The following MTUS1 variants were observed in gnomAD, a reference collection of about 807,000 sequenced individuals.
MTUS1 encodes the protein microtubule-associated tumor suppressor 1.
Under a neutral mutation model 120.8 loss-of-function variants are expected in MTUS1, and 109 were observed. The ratio of observed to expected loss-of-function variants is 0.90; its 90% CI spans 0.77 to 1.06. The LOEUF is 1.06. MTUS1 is among the 50% of genes least tolerant of loss of function. The probability of loss-of-function intolerance (pLI) is 0.00; values close to 1 mark genes in which losing one functional copy is unlikely to be tolerated. For synonymous variants in MTUS1, 737 were observed against 550.5 expected, an observed-to-expected ratio of 1.34 and a Z score of -4.74; for missense variants, 2,210 against 1,486.3, an observed-to-expected ratio of 1.49 and a Z score of -8.01.
chr8:17,728,003 C>A (rs1257516928), intron 3 of MTUS1, among the ~76,000 whole-genome samples: 1 of 152,068 alleles, frequency 6.6e-6, no homozygotes, highest in Non-Finnish European at 1.5e-5. Context: ...CTATATTTAA[C>A]AACAATAAAA....
intron 3 of MTUS1, among the ~76,000 whole-genome samples, chr8:17,740,134 G>A (rs2047202091): frequency 6.6e-6 from 1 of 152,088 alleles, no homozygotes; most frequent in African/African-American, 2.4e-5. Context: ...CTTGAACCCA[G>A]GAGGCGGAGG....
Position 17,655,865 on chromosome 8 carries a change from G to T in MTUS1, c.3106C>A (p.Gln1036Lys). ...GCTCTGGCTGCAAAAGCACAGACCT[G>T]CTCTTGCAATTGCATTTTGTACTTC... ...AEKYKMQLQE[Q>K]FDNLNAAHET... Residue 1036 changes from glutamine (Q) to lysine (K), a missense_variant and splice_region_variant, in exon 9 of 15, where the codon CAG becomes AAG. Gln to Lys is a moderately conservative substitution (Grantham distance 53). Transcript: ENST00000693296. 1 of 1,614,156 alleles carries T rather than the reference G, an allele frequency of 6.2e-7. No homozygotes were observed. The highest frequency in any genetic ancestry group is 1.1e-5 in the South Asian group (1 of 91,082).
At chr8:17,735,456 A>G (rs1039028451) in intron 3 of MTUS1, among the ~76,000 whole-genome samples, 1 of 152,214 alleles carries the variant, frequency 6.6e-6, no homozygotes, top group Non-Finnish European at 1.5e-5. Context: ...ATTAGAACTA[A>G]TCAGCCTCTA....
At chr8:17,749,261 T>C (rs1291207227) in intron 2 of MTUS1, among the ~76,000 whole-genome samples, 1 of 152,092 alleles carries the variant, frequency 6.6e-6, no homozygotes, top group East Asian at 1.9e-4. Context: ...ACCTGAAGGT[T>C]TCATCTGTAT....
intron 3 of MTUS1, among the ~76,000 whole-genome samples, chr8:17,727,618 G>C (rs2046306783): frequency 6.6e-6 from 1 of 152,188 alleles, no homozygotes. Flanking sequence ...AGTAACACAG[G>C]CGCTAAATTC....
At chr8:17,676,059 A>AT (rs113136906) in intron 7 of MTUS1, 227 of 558,502 alleles carry the variant, frequency 4.1e-4, no homozygotes, top group South Asian at 7.1e-4. Flanking sequence ...TAAAAAAAAA[A>AT]TGAAGAATTT....
chr8:17,655,341 G>A (rs1807975303), intron 9 of MTUS1, among the ~76,000 whole-genome samples: 1 of 151,452 alleles, frequency 6.6e-6, no homozygotes, highest in African/African-American at 2.4e-5. Context: ...ACACCACCAG[G>A]ATGTTTACAA....
intron 1 of MTUS1, among the ~76,000 whole-genome samples, chr8:17,778,754 A>G (rs2050648923): frequency 6.6e-6 from 1 of 152,176 alleles, no homozygotes; most frequent in Non-Finnish European, 1.5e-5. Context: ...GGTTGCAGTG[A>G]GCTGAGATAG....
intron 5 of MTUS1, among the ~76,000 whole-genome samples, chr8:17,714,781 G>T (rs568050441): frequency 4.0e-5 from 6 of 148,274 alleles, no homozygotes; most frequent in African/African-American, 1.5e-4. Context: ...TTGTTTCTGT[G>T]TTTTCCAAAT....
intron 1 of MTUS1, among the ~76,000 whole-genome samples, chr8:17,784,869 C>T (rs1268533597): frequency 2.0e-5 from 3 of 151,858 alleles, no homozygotes; most frequent in Non-Finnish European, 4.4e-5. Context: ...ACTGCAACCT[C>T]CGCCTCCCGG....
chr8:17,700,741 G>A (rs1428686259), intron 6 of MTUS1, among the ~76,000 whole-genome samples: 4 of 151,448 alleles, frequency 2.6e-5, no homozygotes, highest in Non-Finnish European at 4.4e-5. Flanking sequence ...AAGTTTAAGT[G>A]TTAGAATAAT....
chr8:17,766,464 C>A (rs1045033135), intron 1 of MTUS1, among the ~76,000 whole-genome samples: 1 of 152,214 alleles, frequency 6.6e-6, no homozygotes, highest in African/African-American at 2.4e-5. Context: ...CAGCACTTGA[C>A]TGGAATAACT....
chr8:17,736,606 A>G (rs2046951326), intron 3 of MTUS1, among the ~76,000 whole-genome samples: 1 of 151,204 alleles, frequency 6.6e-6, no homozygotes, highest in Non-Finnish European at 1.5e-5. Context: ...TTTTTTTGAG[A>G]TGGGGTCTTG....
At chr8:17,700,075 G>C (rs1818734545) in intron 6 of MTUS1, among the ~76,000 whole-genome samples, 1 of 152,068 alleles carries the variant, frequency 6.6e-6, no homozygotes, top group South Asian at 2.1e-4. Context: ...TAATTTAAGA[G>C]GAAAAGATAG....
chr8:17,754,558 T>A lies in MTUS1; in HGVS notation c.1250A>T (p.Asp417Val), dbSNP rs1041099391. 4 of 1,614,094 alleles carry A rather than the reference T, an allele frequency of 2.5e-6. No individual in the cohort carries two copies. Among genetic ancestry groups the A allele is most frequent in the Non-Finnish European group, 2.5e-6 (3 of 1,180,060 alleles). The change falls in exon 2 of 15, where the codon GAT (aspartate) becomes GTT (valine). Residue 417 changes from aspartate (D) to valine (V), a missense_variant. Asp to Val is a radical substitution (Grantham distance 152). Transcript: ENST00000693296. ...SSFGLTWDAN[D>V]MVISTDKTMC... ...CGTTTTGTCTGTGCTAATGACCATA[T>A]CATTTGCATCCCAAGTCAGTCCAAA...
Position 17,655,957 on chromosome 8 carries a change from T to A in MTUS1, c.3014A>T (p.Asn1005Ile), listed in dbSNP as rs185434678. ...QHQAEKTERENRLKEFYTREY... is the reference protein window; with the variant it reads ...QHQAEKTEREIRLKEFYTREY... Reference sequence around the variant, plus strand: ...CCTGGTGTAAAACTCTTTAAGCCGATTCTCTCGTTCTGTTTTTTCAGCCTG... The same window carrying A: ...CCTGGTGTAAAACTCTTTAAGCCGAATCTCTCGTTCTGTTTTTTCAGCCTG... The change falls in exon 9 of 15, where the codon AAT (asparagine) becomes ATT (isoleucine). Residue 1005 changes from asparagine (N) to isoleucine (I), a missense_variant. Coordinates refer to ENST00000693296, the MANE Select transcript of MTUS1 (RefSeq NM_001363059.2). The A allele has an allele frequency of 3.7e-6, 6 of 1,614,238 alleles. No homozygotes were observed. Among genetic ancestry groups the A allele is most frequent in the African/African-American group, 1.3e-5 (1 of 75,066 alleles).
At chr8:17,685,933 G>A (rs751869655) in intron 6 of MTUS1, among the ~76,000 whole-genome samples, 2 of 152,082 alleles carry the variant, frequency 1.3e-5, no homozygotes, top group Non-Finnish European at 2.9e-5. Context: ...AGTTAATATC[G>A]TAATATTACA....
At chr8:17,721,906 A>G in intron 4 of MTUS1, 2 of 1,612,790 alleles carry the variant, frequency 1.2e-6, no homozygotes. Context: ...AGTCATTTAA[A>G]AGGATCAAAG....
chr8:17,653,837 C>T (rs1157317047), intron 10 of MTUS1: 1 of 210,956 alleles, frequency 4.7e-6, no homozygotes, highest in Non-Finnish European at 9.2e-6. Flanking sequence ...ACCCTGTGCT[C>T]TTTTCAATTT....
Sources: allele counts gnomAD v4.1 joint callset (sites outside exome capture counted in the v4.1 genomes callset), GRCh38; gene constraint gnomAD v4.1.1; transcripts MANE v1.5; gene names NCBI Gene and HGNC (gene_info 2026-07-23, HGNC 2026-07-21).